GLRB: variants seen among roughly 807,000 people sequenced by gnomAD.
GLRB encodes the protein glycine receptor subunit beta.
In GLRB, 33 loss-of-function variants were observed where a neutral mutation model predicts 54.2. That is an observed-to-expected ratio of 0.61 (90% confidence interval 0.46 to 0.81). The LOEUF (loss-of-function observed/expected upper bound fraction) is 0.81. Ranked by LOEUF, GLRB falls within the 40% of genes least tolerant of loss-of-function variation. The pLI, the probability that GLRB is intolerant of heterozygous loss-of-function variation, is 0.00. For missense variants in GLRB, 572 were observed against 584.6 expected, an observed-to-expected ratio of 0.98 and a Z score of 0.22; for synonymous variants, 209 against 208.2, an observed-to-expected ratio of 1.00 and a Z score of -0.03.
At chr4:157,136,413 A>C (rs1736400024) in intron 4 of GLRB, 56 bp from the exon 5 acceptor site, 2 of 1,026,490 alleles carry the variant, frequency 1.9e-6, no homozygotes, top group South Asian at 2.6e-5. Flanking sequence ...GGGCCGAATA[A>C]GTTCTTAAAA....
chr4:157,137,483 C>CA (rs77631342), intron 6 of GLRB, among the ~76,000 whole-genome samples: 6,165 of 142,166 alleles, frequency 0.043, 223 homozygotes, highest in African/African-American at 0.098. Context: ...ACATAAACCT[C>CA]AAAAAAAAAA....
chr4:157,116,155 G>A (rs1735602230), intron 2 of GLRB, among the ~76,000 whole-genome samples: 1 of 151,010 alleles, frequency 6.6e-6, no homozygotes, highest in Admixed American at 6.6e-5. Context: ...ACATCATACA[G>A]CTATACAGTC....
At chr4:157,160,050 G>C (rs1365563248) in intron 9 of GLRB, among the ~76,000 whole-genome samples, 1 of 152,084 alleles carries the variant, frequency 6.6e-6, no homozygotes, top group Admixed American at 6.6e-5. Flanking sequence ...CTTCTTTCTG[G>C]TTTAGCCTTG....
chr4:157,142,621 T>G (rs1396126019), intron 7 of GLRB, among the ~76,000 whole-genome samples: 3 of 152,140 alleles, frequency 2.0e-5, no homozygotes, highest in Non-Finnish European at 2.9e-5. Context: ...TTGTGTTAGA[T>G]ATATGTATAT....
chr4:157,119,523 G>A (rs1390536501), intron 2 of GLRB, among the ~76,000 whole-genome samples: 2 of 151,530 alleles, frequency 1.3e-5, no homozygotes, highest in African/African-American at 4.8e-5. Context: ...TAACCTGTCT[G>A]CTTAATTTTA....
At chr4:157,096,308 CT>C (rs1734810411) in intron 2 of GLRB, among the ~76,000 whole-genome samples, 1 of 152,152 alleles carries the variant, frequency 6.6e-6, no homozygotes, top group Admixed American at 6.5e-5. Context: ...TTTAGTGAGA[CT>C]GAAAGTGCCA....
chr4:157,141,464 A>G (rs1736608097), intron 7 of GLRB, among the ~76,000 whole-genome samples: 1 of 151,988 alleles, frequency 6.6e-6, no homozygotes. Context: ...TTTAGTTTGT[A>G]TAGAAATAAT....
At chr4:157,082,041 A>G (rs1734239564) in intron 2 of GLRB, among the ~76,000 whole-genome samples, 1 of 152,084 alleles carries the variant, frequency 6.6e-6, no homozygotes, top group South Asian at 2.1e-4. Flanking sequence ...CTGAAATGCC[A>G]ATGTTTTTCT....
At chr4:157,081,287 A>C (rs930256143) in intron 2 of GLRB, among the ~76,000 whole-genome samples, 2 of 152,126 alleles carry the variant, frequency 1.3e-5, no homozygotes, top group Admixed American at 6.6e-5. Flanking sequence ...ATTCTACCTG[A>C]GTGATTTTGT....
intron 8 of GLRB, among the ~76,000 whole-genome samples, chr4:157,147,473 G>C (rs1736857245): frequency 1.3e-5 from 2 of 152,076 alleles, no homozygotes; most frequent in African/African-American, 4.8e-5. Flanking sequence ...ATGAGGGGGG[G>C]ATTGGAGATA....
chr4:157,170,384 C>T (rs751207805), intron 9 of GLRB, 48 bp from the exon 10 acceptor site: 223 of 1,092,968 alleles, frequency 2.0e-4, no homozygotes, highest in Non-Finnish European at 2.3e-4. Context: ...AGATGTGTTT[C>T]GTAAGTAGAA....
chr4:157,087,398 T>A (rs2126439865), intron 2 of GLRB, among the ~76,000 whole-genome samples: 1 of 152,264 alleles, frequency 6.6e-6, no homozygotes, highest in East Asian at 1.9e-4. Context: ...TTCTCATTTG[T>A]ATAGTGAAAA....
chr4:157,164,519 C>T (rs1471258370), intron 9 of GLRB, among the ~76,000 whole-genome samples: 1 of 152,150 alleles, frequency 6.6e-6, no homozygotes, highest in Non-Finnish European at 1.5e-5. Flanking sequence ...CTCTATAGAA[C>T]AGGTGCTTGA....
intron 2 of GLRB, among the ~76,000 whole-genome samples, chr4:157,082,689 T>A (rs1010296899): frequency 6.6e-6 from 1 of 152,104 alleles, no homozygotes; most frequent in African/African-American, 2.4e-5. Context: ...CTCATCATAG[T>A]CAATTATTTG....
intron 2 of GLRB, among the ~76,000 whole-genome samples, chr4:157,099,380 A>G (rs1161939150): frequency 6.6e-6 from 1 of 150,760 alleles, no homozygotes; most frequent in African/African-American, 2.4e-5. Context: ...ACTGTCACCC[A>G]GGCTGGAGTA....
At position 157,143,851 on chromosome 4, in the gene GLRB, G is replaced by A; in HGVS notation, c.796G>A (p.Val266Ile). Residue 266 changes from valine to isoleucine, a missense_variant, in exon 8 of 10, where the codon GTC (valine) becomes ATC (isoleucine). By Grantham distance (29) the Val-to-Ile change is conservative (BLOSUM62 3). Transcript: ENST00000264428. Reference protein sequence around the residue: ...VEVIFTLRRQVGFYMMGVYAP... With the variant: ...VEVIFTLRRQIGFYMMGVYAP... Reference sequence around the variant, plus strand: ...AGTCATCTTCACCCTGAGGAGGCAGGTCGGCTTTTACATGATGGGGGTCTA... The same window carrying A: ...AGTCATCTTCACCCTGAGGAGGCAGATCGGCTTTTACATGATGGGGGTCTA... 1 of 1,613,842 alleles carries A rather than the reference G, an allele frequency of 6.2e-7. No homozygotes were observed. Among genetic ancestry groups the A allele is most frequent in the Non-Finnish European group, 8.5e-7 (1 of 1,179,962 alleles).
intron 2 of GLRB, among the ~76,000 whole-genome samples, chr4:157,092,086 T>C (rs1734640291): frequency 6.6e-6 from 1 of 152,186 alleles, no homozygotes; most frequent in South Asian, 2.1e-4. Flanking sequence ...TACTGACCAA[T>C]AGTGCATCCT....
chr4:157,155,444 T>C (rs1483274297), intron 9 of GLRB, among the ~76,000 whole-genome samples: 1 of 152,184 alleles, frequency 6.6e-6, no homozygotes, highest in East Asian at 1.9e-4. Flanking sequence ...GAATTTCCTT[T>C]ACCCATTTTT....
At chr4:157,149,838 CCTTT>C (rs1279676221) in intron 8 of GLRB, among the ~76,000 whole-genome samples, 1 of 151,856 alleles carries the variant, frequency 6.6e-6, no homozygotes, top group Non-Finnish European at 1.5e-5. Context: ...CTTTTCTTTT[CCTTT>C]CTTTCTTCCT....
Sources: allele counts gnomAD v4.1 joint callset (sites outside exome capture counted in the v4.1 genomes callset), GRCh38; gene constraint gnomAD v4.1.1; transcripts MANE v1.5; gene names NCBI Gene and HGNC (gene_info 2026-07-23, HGNC 2026-07-21).